Variants in MAPK14 observed in about 807,000 individuals in gnomAD.
MAPK14 encodes the protein mitogen-activated protein kinase 14, also known as CSAID-binding protein.
A neutral mutation model predicts 49.6 loss-of-function variants in MAPK14; 16 were observed. The observed-to-expected ratio is 0.32, with a 90% CI of 0.22 to 0.49. MAPK14 has a LOEUF of 0.49. MAPK14 is among the 20% of genes least tolerant of loss of function. The probability of loss-of-function intolerance (pLI) is 0.99; values close to 1 mark genes in which losing one functional copy is unlikely to be tolerated. For synonymous variants in MAPK14, 142 were observed against 158.0 expected (o/e 0.90, Z 0.76); for missense variants, 200 against 441.2 (o/e 0.45, Z 4.90).
Position 36,108,502 on chromosome 6 carries a change from A to G in MAPK14, c.*55A>G, listed in dbSNP as rs912958428. On this transcript the variant is annotated 3_prime_UTR_variant, in exon 12 of 12. Coordinates refer to ENST00000229794, the MANE Select transcript of MAPK14 (RefSeq NM_139012.3). ...TTCACTGTGAGGGGAAGGCCTTTTC[A>G]CGGGAACTCTCCAAATATTATTCAA... 1 of 1,383,040 alleles carries G rather than the reference A, an allele frequency of 7.2e-7. No individual in the cohort carries two copies. The highest frequency in any genetic ancestry group is 1.4e-5 in the African/African-American group (1 of 70,602). The allele number at this position is 1,383,040 out of a possible 1,614,324, so 85.7% of individuals were successfully genotyped here.
At chr6:36,049,606 C>T (rs945623312) in intron 1 of MAPK14, among the ~76,000 whole-genome samples, 1 of 152,174 alleles carries the variant, frequency 6.6e-6, no homozygotes, top group African/African-American at 2.4e-5. Flanking sequence ...GATCTGGGAA[C>T]CTCTGGTGTA....
intron 1 of MAPK14, among the ~76,000 whole-genome samples, chr6:36,035,232 C>T (rs946135088): frequency 5.3e-5 from 8 of 152,046 alleles, no homozygotes; most frequent in African/African-American, 7.2e-5. Flanking sequence ...CCACTGTGCC[C>T]GGCAGTTCTC....
chr6:36,092,374 C>CT (rs1418333671), intron 8 of MAPK14: 18 of 664,006 alleles, frequency 2.7e-5, no homozygotes, highest in Non-Finnish European at 4.5e-5. Flanking sequence ...GCAGGGAACT[C>CT]TATGCAGTAG....
At chr6:36,038,618 G>A (rs1762840109) in intron 1 of MAPK14, among the ~76,000 whole-genome samples, 1 of 152,100 alleles carries the variant, frequency 6.6e-6, no homozygotes, top group Non-Finnish European at 1.5e-5. Flanking sequence ...AGGATAGAAC[G>A]GTGGAGTTAG....
At chr6:36,119,778 G>A in the MAPK14 span, among the ~76,000 whole-genome samples, 22 of 152,208 alleles carry the variant, frequency 1.4e-4, no homozygotes, top group African/African-American at 2.2e-4. Flanking sequence ...CCCCCACAAC[G>A]AGGAATTACC....
At chr6:36,073,638 A>G (rs781165990) in intron 4 of MAPK14, 53 bp from the exon 5 acceptor site, 40 of 1,409,196 alleles carry the variant, frequency 2.8e-5, no homozygotes, top group Non-Finnish European at 3.9e-5. Context: ...AATATGTTAT[A>G]TAATATGACA....
intron 3 of MAPK14, among the ~76,000 whole-genome samples, chr6:36,059,825 AC>A (rs1413292017): frequency 6.6e-6 from 1 of 152,146 alleles, no homozygotes; most frequent in Non-Finnish European, 1.5e-5. Context: ...GCCGATCCCA[AC>A]TTTTAAAGGT....
At chr6:36,035,847 A>G (rs1254983593) in intron 1 of MAPK14, among the ~76,000 whole-genome samples, 1 of 152,222 alleles carries the variant, frequency 6.6e-6, no homozygotes, top group Non-Finnish European at 1.5e-5. Context: ...GAGACAGGTG[A>G]GAAAGCTGCA....
At chr6:36,070,907 A>C (rs1009035678) in intron 3 of MAPK14, among the ~76,000 whole-genome samples, 1 of 152,234 alleles carries the variant, frequency 6.6e-6, no homozygotes, top group African/African-American at 2.4e-5. Flanking sequence ...TCTTCCCTCC[A>C]AAATTCATAA....
intron 9 of MAPK14, among the ~76,000 whole-genome samples, chr6:36,099,216 A>T (rs184310385): frequency 4.3e-4 from 65 of 152,368 alleles, no homozygotes; most frequent in African/African-American, 1.5e-3. Flanking sequence ...TAACAAGAAC[A>T]GGACTAGAAA....
chr6:36,111,346 A>G (rs1765968636), downstream of MAPK14: 1 of 152,234 alleles, frequency 6.6e-6, no homozygotes, highest in Non-Finnish European at 1.5e-5. Context: ...ACCATTTACC[A>G]TCTGGCCCTT....
At position 36,028,791 on chromosome 6, in the gene MAPK14, CTTTTTTTTTTTT is replaced by C. The variant is rs111234964; in HGVS notation, c.116+528_116+539del. Among the ~76,000 whole-genome samples, 2 of 100,388 alleles carry C rather than the reference CTTTTTTTTTTTT, an allele frequency of 2.0e-5. No homozygotes were observed. Among genetic ancestry groups the C allele is most frequent in the Admixed American group, 2.3e-4 (2 of 8,612 alleles). 65.9% of individuals were successfully genotyped at this position (100,388 alleles called of 152,430 possible). Reference sequence around the variant, plus strand: ...ACCAGGAAGGGAGCTCTCTCCGGGCCTTTTTTTTTTTTTTTTTTTTTCAAAACTCTGTCGAAA... The same window carrying C: ...ACCAGGAAGGGAGCTCTCTCCGGGCCTTTTTTTTTCAAAACTCTGTCGAAA... On this transcript the variant is annotated intron_variant, in intron 1 of 11. Coordinates refer to ENST00000229794, the MANE Select transcript of MAPK14 (RefSeq NM_139012.3). This position sits in a 1 kb window ranked among gnomAD's most constrained non-coding sequence, Gnocchi z 5.1.
chr6:36,042,476 CTTTTTTTT>C (rs113286534), intron 1 of MAPK14, among the ~76,000 whole-genome samples: 2 of 102,678 alleles, frequency 1.9e-5, no homozygotes, highest in Admixed American at 1.2e-4. Flanking sequence ...GAAGGAATAT[CTTTTTTTT>C]TTTTTTTTTT....
chr6:36,067,052 A>G (rs541534298), intron 3 of MAPK14, among the ~76,000 whole-genome samples: 1 of 152,198 alleles, frequency 6.6e-6, no homozygotes, highest in South Asian at 2.1e-4. Flanking sequence ...TTTTTATCAG[A>G]GAGGTCTGCT....
intron 10 of MAPK14, among the ~76,000 whole-genome samples, chr6:36,106,315 T>C (rs1765795997): frequency 6.6e-6 from 1 of 152,154 alleles, no homozygotes; most frequent in African/African-American, 2.4e-5. Context: ...GAAACGGTCA[T>C]TCTCAGGACA....
rs1765937891 is a variant in MAPK14 at position 36,110,618 on chromosome 6, G to C, written c.*2171G>C. The C allele has an allele frequency of 6.6e-6, 1 of 152,644 alleles. No homozygotes were observed. Among genetic ancestry groups the C allele is most frequent in the South Asian group, 2.1e-4 (1 of 4,834 alleles). 9.5% of individuals were successfully genotyped at this position (152,644 alleles called of 1,614,324 possible). ...TCTGAGCATAATGCTCCCATCTCCT[G>C]ATTTCTCTGAACAGAAAACAAAAGA... On this transcript the variant is annotated 3_prime_UTR_variant, in exon 12 of 12. Coordinates refer to ENST00000229794, the MANE Select transcript of MAPK14 (RefSeq NM_139012.3).
downstream of MAPK14, among the ~76,000 whole-genome samples, chr6:36,114,255 T>C (rs1037901987): frequency 2.0e-5 from 3 of 152,196 alleles, no homozygotes; most frequent in African/African-American, 7.2e-5. Context: ...CCTCCTAATC[T>C]TGCAGAACAC....
At chr6:36,122,271 G>C in the MAPK14 span, among the ~76,000 whole-genome samples, 1 of 152,254 alleles carries the variant, frequency 6.6e-6, no homozygotes, top group South Asian at 2.1e-4. Context: ...AGGTTGTGGA[G>C]GTGGCCTCCA....
downstream of MAPK14, among the ~76,000 whole-genome samples, chr6:36,114,980 G>T (rs1766035880): frequency 6.6e-6 from 1 of 152,198 alleles, no homozygotes; most frequent in African/African-American, 2.4e-5. Context: ...GTTAGGGGGA[G>T]TTTGCAGCCT....
Sources: allele counts gnomAD v4.1 joint callset (sites outside exome capture counted in the v4.1 genomes callset), GRCh38; gene constraint gnomAD v4.1.1; non-coding constraint Gnocchi (gnomAD v3.1); transcripts MANE v1.5; gene names NCBI Gene and HGNC (gene_info 2026-07-23, HGNC 2026-07-21).